Variants in CACUL1 observed in about 807,000 individuals in gnomAD.
CACUL1 encodes the protein CDK2-associated and cullin domain-containing protein 1.
Under a neutral mutation model 45.2 loss-of-function variants are expected in CACUL1, and 13 were observed. The observed-to-expected ratio is 0.29, with a 90% CI of 0.19 to 0.46. CACUL1 has a LOEUF of 0.46. CACUL1 is among the 20% of genes least tolerant of loss of function. The pLI is 1.00. For missense variants in CACUL1, 421 were observed against 471.4 expected (o/e 0.89, Z 0.99); for synonymous variants, 197 against 174.2 (o/e 1.13, Z -1.03).
At chr10:118,694,834 G>A (rs1845305254) in intron 6 of CACUL1, 1 of 254,144 alleles carries the variant, frequency 3.9e-6, no homozygotes, top group African/African-American at 2.2e-5. Flanking sequence ...TGCAGCGTGA[G>A]GCAGGAAGTA....
At chr10:118,701,703 T>C (rs949646347) in intron 4 of CACUL1, among the ~76,000 whole-genome samples, 1 of 152,224 alleles carries the variant, frequency 6.6e-6, no homozygotes, top group African/African-American at 2.4e-5. Context: ...TGGAATACCC[T>C]TTAAAAATAC....
intron 1 of CACUL1, among the ~76,000 whole-genome samples, chr10:118,735,927 T>G (rs542479097): frequency 6.6e-6 from 1 of 152,112 alleles, no homozygotes; most frequent in Non-Finnish European, 1.5e-5. Flanking sequence ...AAAGAGCCCT[T>G]TGTTACCTGT....
At position 118,754,964 on chromosome 10, in the gene CACUL1, G is replaced by C. The variant is rs765631060; in HGVS notation, c.-202C>G. 318 of 609,076 alleles carry C rather than the reference G, an allele frequency of 5.2e-4. No individual in the cohort carries two copies. Among genetic ancestry groups the C allele is most frequent in the Non-Finnish European group, 7.8e-4 (297 of 380,940 alleles). The allele number at this position is 609,076 out of a possible 1,614,324, so 37.7% of individuals were successfully genotyped here. A position where few individuals can be genotyped will look rare whatever the true frequency, so the allele number is the denominator to read the frequency against. ...GCGGCTGACGGCGGTGGGCGCTCCG[G>C]GGCTCTAGTCTGGGAGAGGCAGCCG... On this transcript the variant is annotated 5_prime_UTR_variant, in exon 1 of 9. Transcript: ENST00000369151.
chr10:118,688,643 G>A (rs1845231426), intron 7 of CACUL1, among the ~76,000 whole-genome samples: 1 of 152,118 alleles, frequency 6.6e-6, no homozygotes, highest in African/African-American at 2.4e-5. Flanking sequence ...TCAGCTAAAA[G>A]ACCTATGTTC....
chr10:118,702,975 T>TA (rs1564830845), intron 4 of CACUL1, among the ~76,000 whole-genome samples: 2 of 152,194 alleles, frequency 1.3e-5, no homozygotes, highest in African/African-American at 4.8e-5. Flanking sequence ...TAATTTAATT[T>TA]AAAAAATTTT....
At chr10:118,708,295 T>C (rs1845452484) in intron 3 of CACUL1, among the ~76,000 whole-genome samples, 1 of 152,178 alleles carries the variant, frequency 6.6e-6, no homozygotes, top group South Asian at 2.1e-4. Flanking sequence ...ATAGGCTTAA[T>C]GTACTATTAG....
intron 1 of CACUL1, among the ~76,000 whole-genome samples, chr10:118,743,193 A>G (rs1845807718): frequency 6.6e-6 from 1 of 152,072 alleles, no homozygotes; most frequent in Non-Finnish European, 1.5e-5. Flanking sequence ...AGAGTAAAAA[A>G]GAAAAAAAAA....
At chr10:118,708,381 T>A (rs1845453268) in intron 3 of CACUL1, among the ~76,000 whole-genome samples, 1 of 152,136 alleles carries the variant, frequency 6.6e-6, no homozygotes, top group Admixed American at 6.5e-5. Context: ...TGTAAACCCT[T>A]CTGTAGCTAA....
chr10:118,749,609 T>G (rs1042849796), intron 1 of CACUL1, among the ~76,000 whole-genome samples: 12 of 152,194 alleles, frequency 7.9e-5, no homozygotes, highest in African/African-American at 2.9e-4. Context: ...CCCACATAAT[T>G]AAAGTCTTCC....
chr10:118,748,923 A>G (rs1845870227), intron 1 of CACUL1, among the ~76,000 whole-genome samples: 1 of 152,204 alleles, frequency 6.6e-6, no homozygotes, highest in South Asian at 2.1e-4. Flanking sequence ...GAAAATGGAC[A>G]CAGGAAAAAG....
chr10:118,694,083 C>G lies in CACUL1; in HGVS notation c.886+1058G>C, dbSNP rs370167013. ...GTTTCACCGTGTTAGCCAGGATGGT[C>G]TGGATCTCCTGACCTCGTGATCTGC... On this transcript the variant is annotated intron_variant, in intron 6 of 8. Transcript: ENST00000369151. Among the ~76,000 whole-genome samples, 37 of 152,312 alleles carry G rather than the reference C, an allele frequency of 2.4e-4. No homozygotes were observed. The East Asian group carries it at 6.4e-3, about 26-fold the overall frequency.
At chr10:118,739,194 C>CAA (rs79882764) in intron 1 of CACUL1, among the ~76,000 whole-genome samples, 4 of 125,566 alleles carry the variant, frequency 3.2e-5, no homozygotes, top group Non-Finnish European at 3.5e-5. Flanking sequence ...TCCTCCGTCT[C>CAA]AAAAAAAAAA....
intron 7 of CACUL1, among the ~76,000 whole-genome samples, chr10:118,687,196 C>G (rs1450937504): frequency 6.6e-6 from 1 of 152,134 alleles, no homozygotes; most frequent in Non-Finnish European, 1.5e-5. Flanking sequence ...CTTTTCTTCT[C>G]CACGTGTAGT....
intron 1 of CACUL1, among the ~76,000 whole-genome samples, chr10:118,750,937 T>G (rs1365478672): frequency 6.6e-6 from 1 of 152,202 alleles, no homozygotes; most frequent in Non-Finnish European, 1.5e-5. Context: ...TCAGGGAAAA[T>G]GCGGTACCAT....
At chr10:118,706,595 G>A (rs1845434348) in intron 4 of CACUL1, among the ~76,000 whole-genome samples, 1 of 152,068 alleles carries the variant, frequency 6.6e-6, no homozygotes. Flanking sequence ...GATTCATAAA[G>A]GAGTTTTGGC....
chr10:118,746,194 A>G (rs1031578011), intron 1 of CACUL1, among the ~76,000 whole-genome samples: 1 of 151,728 alleles, frequency 6.6e-6, no homozygotes, highest in Non-Finnish European at 1.5e-5. Flanking sequence ...GAATATTAAC[A>G]AGGATAAAGT....
chr10:118,754,352 T>A (rs778192227), intron 1 of CACUL1, 44 bp downstream of exon 1: 3 of 1,446,476 alleles, frequency 2.1e-6, no homozygotes, highest in Admixed American at 2.8e-5. Flanking sequence ...GGCGTCCGAG[T>A]GAGGTGGAGA....
chr10:118,685,510 A>C lies in CACUL1; in HGVS notation c.*618T>G, dbSNP rs1845195608. On this transcript the variant is annotated 3_prime_UTR_variant, in exon 9 of 9. Coordinates refer to ENST00000369151, the MANE Select transcript of CACUL1 (RefSeq NM_153810.5). ...TTTGACAACATGGTCACACAGTTGCAAAGTGCACAAAGCTCAAGGCACAGA... is the reference window on the plus strand; with the variant it reads ...TTTGACAACATGGTCACACAGTTGCCAAGTGCACAAAGCTCAAGGCACAGA... The C allele has an allele frequency of 6.5e-6, 1 of 152,710 alleles. No individual in the cohort carries two copies. Among genetic ancestry groups the C allele is most frequent in the Non-Finnish European group, 1.5e-5 (1 of 68,068 alleles). The allele number at this position is 152,710 out of a possible 1,614,324, so 9.5% of individuals were successfully genotyped here.
At chr10:118,730,176 G>T in intron 2 of CACUL1, 108 bp downstream of exon 2, 1 of 1,169,502 alleles carries the variant, frequency 8.6e-7, no homozygotes, top group Non-Finnish European at 1.2e-6. Context: ...AACACTTACA[G>T]AGCCTCATCT....
Sources: allele counts gnomAD v4.1 joint callset (sites outside exome capture counted in the v4.1 genomes callset), GRCh38; gene constraint gnomAD v4.1.1; transcripts MANE v1.5; gene names NCBI Gene and HGNC (gene_info 2026-07-23, HGNC 2026-07-21).